Variants in KDM4B observed in about 807,000 individuals in gnomAD.
KDM4B encodes the protein lysine demethylase 4B, also known as lysine-specific demethylase 4B.
A neutral mutation model predicts 125.2 loss-of-function variants in KDM4B; 32 were observed. That is an observed-to-expected ratio of 0.26 (90% CI 0.19 to 0.34). KDM4B has a LOEUF of 0.34. Ranked by LOEUF, KDM4B falls within the 10% of genes least tolerant of loss-of-function variation. The pLI is 1.00. For missense variants in KDM4B, 1,190 were observed against 1,577.7 expected (o/e 0.75, Z 4.16); for synonymous variants, 721 against 677.9 (o/e 1.06, Z -0.99).
At chr19:5,113,745 G>A (rs998363936) in intron 10 of KDM4B, 1 of 278,358 alleles carries the variant, frequency 3.6e-6, no homozygotes, top group Non-Finnish European at 5.5e-6. Context: ...GATGTCCCTA[G>A]ACATCGCCCA....
Position 5,035,179 on chromosome 19 carries a change from C to T in KDM4B, c.141+2148C>T, listed in dbSNP as rs1164100723. ...TGCTATCCCAGGAAAGGCCCAGGTC[C>T]TCCTCTTCCTCCTCTCCCTGGTGCA... On this transcript the variant is annotated intron_variant, in intron 3 of 22. Transcript: ENST00000159111. The surrounding 1 kb of genome is among the most constrained non-coding windows in gnomAD (Gnocchi z 5.3). 6.6e-6 allele frequency among the ~76,000 whole-genome samples: 1 copy of T among 152,178 alleles called. No homozygotes were observed. The highest frequency in any genetic ancestry group is 1.5e-5 in the Non-Finnish European group (1 of 68,028).
chr19:5,134,112 G>T, intron 14 of KDM4B, 51 bp downstream of exon 14: 1 of 1,528,366 alleles, frequency 6.5e-7, no homozygotes, highest in South Asian at 1.2e-5. Flanking sequence ...AGGGGCGGTG[G>T]GAGAGGGCGA....
intron 6 of KDM4B, among the ~76,000 whole-genome samples, 166 bp downstream of exon 6, chr19:5,047,835 C>T (rs1004495048): frequency 2.6e-5 from 4 of 152,192 alleles, no homozygotes; most frequent in African/African-American, 9.6e-5. Flanking sequence ...GGTCACCCAC[C>T]AGCTTTGGGG....
chr19:5,047,570 A>C lies in KDM4B; in HGVS notation c.527A>C (p.Tyr176Ser). 6.2e-7 allele frequency: 1 copy of C among 1,613,960 alleles called. No individual in the cohort carries two copies. Among genetic ancestry groups the C allele is most frequent in the Non-Finnish European group, 8.5e-7 (1 of 1,179,910 alleles). The change falls in exon 6 of 23, where the codon TAC (tyrosine) becomes TCC (serine). Residue 176 changes from tyrosine to serine, a missense_variant. Physicochemically the swap from Tyr to Ser is moderately radical, Grantham distance 144 (BLOSUM62 -2). This residue lies in a region of KDM4B where 75 missense variants were observed against 218.2 expected (regional missense o/e 0.34). Coordinates refer to ENST00000159111, the MANE Select transcript of KDM4B (RefSeq NM_015015.3). ...GTIIEGVNTPYLYFGMWKTTF... is the reference protein window; with the variant it reads ...GTIIEGVNTPSLYFGMWKTTF... ...ATCATCGAGGGCGTGAACACGCCCT[A>C]CCTGTACTTCGGCATGTGGAAGACC...
intron 1 of KDM4B, among the ~76,000 whole-genome samples, chr19:5,011,438 C>T (rs1369349066): frequency 1.3e-5 from 2 of 152,252 alleles, no homozygotes; most frequent in African/African-American, 4.8e-5. Context: ...GTGGGCCCAT[C>T]TGAGGCTTTG....
chr19:5,126,194 A>G (rs2039446519), intron 11 of KDM4B, among the ~76,000 whole-genome samples: 1 of 152,140 alleles, frequency 6.6e-6, no homozygotes, highest in African/African-American at 2.4e-5. Context: ...GAAGCCCCTC[A>G]GGAGGAGAGG....
At position 5,047,545 on chromosome 19, in the gene KDM4B, A is replaced by G; in HGVS notation, c.502A>G (p.Ile168Val). 6.2e-7 allele frequency: 1 copy of G among 1,613,916 alleles called. No homozygotes were observed. The highest frequency in any genetic ancestry group is 8.5e-7 in the Non-Finnish European group (1 of 1,179,914). ...CATGGTGGAGCGCGAGTGCGGCACC[A>G]TCATCGAGGGCGTGAACACGCCCTA... is the stretch of plus-strand genomic sequence containing the variant. The part of the protein sequence containing the change: ...LDMVERECGT[I>V]IEGVNTPYLY... Residue 168 changes from isoleucine to valine, a missense_variant, in exon 6 of 23, where the codon ATC (isoleucine) becomes GTC (valine). Transcript: ENST00000159111.
intron 21 of KDM4B, among the ~76,000 whole-genome samples, chr19:5,146,812 G>A (rs1438666441): frequency 1.4e-5 from 2 of 145,896 alleles, no homozygotes; most frequent in East Asian, 4.0e-4. Flanking sequence ...ATGGTAGTGT[G>A]CGCGTGTAGT....
intron 9 of KDM4B, among the ~76,000 whole-genome samples, chr19:5,100,783 A>AT (rs2038915974): frequency 6.6e-6 from 1 of 151,806 alleles, no homozygotes; most frequent in Admixed American, 6.6e-5. Flanking sequence ...CTGTCTATTG[A>AT]TGTGTTTTTA....
At chr19:4,993,043 G>C (rs980097848) in intron 1 of KDM4B, among the ~76,000 whole-genome samples, 16 of 152,190 alleles carry the variant, frequency 1.1e-4, no homozygotes, top group Non-Finnish European at 2.4e-4. Flanking sequence ...ATGTTCTATA[G>C]ATTCTTTTGG....
chr19:5,065,551 C>A (rs2037741478), intron 6 of KDM4B, among the ~76,000 whole-genome samples: 1 of 152,228 alleles, frequency 6.6e-6, no homozygotes, highest in Non-Finnish European at 1.5e-5. Context: ...ATCCATCAAG[C>A]CATTCCGGGG....
chr19:5,010,510 G>T (rs1016133858), intron 1 of KDM4B, among the ~76,000 whole-genome samples: 1 of 152,134 alleles, frequency 6.6e-6, no homozygotes, highest in Admixed American at 6.5e-5. Context: ...ACATTTCCGC[G>T]TGGCTCTTTC....
At chr19:5,061,074 C>T (rs1443229868) in intron 6 of KDM4B, among the ~76,000 whole-genome samples, 1 of 152,294 alleles carries the variant, frequency 6.6e-6, no homozygotes, top group Admixed American at 6.5e-5. Flanking sequence ...GCCCCGGTTC[C>T]GGAGGGCCAG....
intron 3 of KDM4B, among the ~76,000 whole-genome samples, chr19:5,033,536 T>A (rs1482907102): frequency 6.6e-6 from 1 of 151,296 alleles, no homozygotes; most frequent in African/African-American, 2.4e-5. Context: ...GCTATGACCG[T>A]GCTACTGCGC....
At chr19:5,126,829 C>G (rs1421553437) in intron 11 of KDM4B, among the ~76,000 whole-genome samples, 1 of 152,232 alleles carries the variant, frequency 6.6e-6, no homozygotes, top group Admixed American at 6.5e-5. Flanking sequence ...GCTGGTTGGC[C>G]CAGGCATGGA....
At chr19:5,049,708 A>G (rs1352150884) in intron 6 of KDM4B, among the ~76,000 whole-genome samples, 1 of 152,084 alleles carries the variant, frequency 6.6e-6, no homozygotes, top group Non-Finnish European at 1.5e-5. Flanking sequence ...GGCATAGACC[A>G]GGTGACCCCA....
At position 5,138,030 on chromosome 19, in the gene KDM4B, C is replaced by T; in HGVS notation, c.2510C>T (p.Pro837Leu). 1 of 1,612,682 alleles carries T rather than the reference C, an allele frequency of 6.2e-7. No individual in the cohort carries two copies. Among genetic ancestry groups the T allele is most frequent in the Non-Finnish European group, 8.5e-7 (1 of 1,179,890 alleles). Residue 837 changes from proline (P) to leucine (L), a missense_variant, in exon 18 of 23, where the codon CCT becomes CTT. Pro to Leu is a moderately conservative substitution (Grantham distance 98, BLOSUM62 -3). Coordinates refer to ENST00000159111, the MANE Select transcript of KDM4B (RefSeq NM_015015.3). ...ARFLNVIERH[P>L]VDISAIPEQR... ...TTCCTGAACGTGATTGAGCGCCACC[C>T]TGTGGACATCAGCGCCATCCCCGAG...
chr19:4,988,960 C>A (rs1206643043), intron 1 of KDM4B, among the ~76,000 whole-genome samples: 1 of 152,214 alleles, frequency 6.6e-6, no homozygotes, highest in Non-Finnish European at 1.5e-5. Flanking sequence ...CGAGGGGCTG[C>A]CAAGCCCTTA....
Position 4,969,411 on chromosome 19 carries a change from C to G in KDM4B, c.-109+181C>G, listed in dbSNP as rs1487276745. 4.1e-5 allele frequency among the ~76,000 whole-genome samples: 6 copies of G among 146,588 alleles called. No individual in the cohort carries two copies. In the East Asian group the frequency reaches 8.0e-4, roughly 20 times the overall value. ...GCCGGCGGGGCGGTTGGGGCGTTAA[C>G]CGCCCGGCCCGGGGGCGCCCGCTGG... On this transcript the variant is annotated intron_variant, in intron 1 of 22. Coordinates refer to ENST00000159111, the MANE Select transcript of KDM4B (RefSeq NM_015015.3).
Sources: allele counts gnomAD v4.1 joint callset (sites outside exome capture counted in the v4.1 genomes callset), GRCh38; gene constraint gnomAD v4.1.1; regional missense constraint gnomAD v4.1.1; non-coding constraint Gnocchi (gnomAD v3.1); transcripts MANE v1.5; gene names NCBI Gene and HGNC (gene_info 2026-07-23, HGNC 2026-07-21).